PCNX2: variants seen among roughly 807,000 people sequenced by gnomAD.
PCNX2 encodes the protein pecanex 2.
A neutral mutation model predicts 223.8 loss-of-function variants in PCNX2; 168 were observed. That is an observed-to-expected ratio of 0.75 (90% CI 0.66 to 0.85). The LOEUF (loss-of-function observed/expected upper bound fraction) is 0.85. Ranked by LOEUF, PCNX2 falls within the 40% of genes least tolerant of loss-of-function variation. The pLI is 0.00. For missense variants in PCNX2, 2,507 were observed against 2,675.5 expected, an observed-to-expected ratio of 0.94 and a Z score of 1.39; for synonymous variants, 1,006 against 1,052.6, an observed-to-expected ratio of 0.96 and a Z score of 0.86.
At chr1:233,129,925 T>C (rs906594345) in intron 21 of PCNX2, among the ~76,000 whole-genome samples, 5 of 152,166 alleles carry the variant, frequency 3.3e-5, no homozygotes, top group African/African-American at 1.2e-4. Context: ...GCTTTGTTCT[T>C]TCACTCTTTG....
At chr1:232,989,378 C>T (rs1255004157) in intron 32 of PCNX2, among the ~76,000 whole-genome samples, 1 of 151,946 alleles carries the variant, frequency 6.6e-6, no homozygotes, top group African/African-American at 2.4e-5. Context: ...GGCGTGAACC[C>T]AGGAGGCGGA....
At chr1:233,193,140 T>C (rs2102881974) in intron 15 of PCNX2, among the ~76,000 whole-genome samples, 1 of 149,576 alleles carries the variant, frequency 6.7e-6, no homozygotes, top group East Asian at 1.9e-4. Context: ...ACTAGTATAA[T>C]TCCTAGTACA....
In PCNX2 at chr1:232,999,120, C is replaced by T. The variant is rs1198292654; in HGVS notation, c.5588G>A (p.Trp1863Ter). Residue 1863 changes from tryptophan (W) to a stop codon, truncating the protein, a stop_gained, in exon 31 of 34, where the codon TGG (tryptophan) becomes TAG (stop). Coordinates refer to ENST00000258229, the MANE Select transcript of PCNX2 (RefSeq NM_014801.4). LOFTEE classifies it high-confidence loss of function. ...AAAAACTTACCTTACCCACTTGGTC[C>T]AGAACCAGGTCCTAATTCTGTCCAA... Reference protein sequence around the residue: ...ITLDRIRTWFWTKWVRMRKDC... With the variant: ...ITLDRIRTWF 6.2e-7 allele frequency: 1 copy of T among 1,609,756 alleles called. No individual in the cohort carries two copies. The highest frequency in any genetic ancestry group is 8.5e-7 in the Non-Finnish European group (1 of 1,176,766).
chr1:233,025,461 C>T (rs964443520), intron 25 of PCNX2, 62 bp from the exon 26 acceptor site: 9 of 1,581,538 alleles, frequency 5.7e-6, no homozygotes, highest in Admixed American at 3.4e-5. Context: ...TTTGCTTCAA[C>T]GGATTTCCCC....
chr1:233,068,096 G>C (rs984454599), intron 23 of PCNX2, among the ~76,000 whole-genome samples: 2 of 152,052 alleles, frequency 1.3e-5, no homozygotes, highest in African/African-American at 4.8e-5. Context: ...ATCTAAAAAG[G>C]AAAAATTCTG....
At chr1:233,288,389 G>A (rs1409485842) in intron 1 of PCNX2, among the ~76,000 whole-genome samples, 3 of 152,226 alleles carry the variant, frequency 2.0e-5, no homozygotes, top group South Asian at 4.2e-4. Context: ...GAGAAAGCTG[G>A]GAGTGGGGCA....
chr1:233,151,535 T>A (rs1677808624), intron 19 of PCNX2, among the ~76,000 whole-genome samples: 1 of 152,228 alleles, frequency 6.6e-6, no homozygotes, highest in Non-Finnish European at 1.5e-5. Flanking sequence ...TTTAGCTCCA[T>A]ATTGCATTAG....
intron 22 of PCNX2, among the ~76,000 whole-genome samples, chr1:233,094,478 C>T (rs1015486865): frequency 1.3e-5 from 2 of 152,164 alleles, no homozygotes; most frequent in African/African-American, 4.8e-5. Context: ...GACCTTGAAA[C>T]ACTTTAGAAA....
chr1:232,995,361 T>A (rs1669841525), intron 32 of PCNX2, among the ~76,000 whole-genome samples: 1 of 152,204 alleles, frequency 6.6e-6, no homozygotes, highest in Non-Finnish European at 1.5e-5. Flanking sequence ...TAGCCAGGCA[T>A]GCTCCTTTGC....
intron 21 of PCNX2, among the ~76,000 whole-genome samples, chr1:233,107,082 TTC>T (rs1674836058): frequency 6.6e-6 from 1 of 152,128 alleles, no homozygotes; most frequent in African/African-American, 2.4e-5. Context: ...CAGTGAAAGT[TTC>T]TGTTATCTGC....
At chr1:233,115,182 T>G (rs960240104) in intron 21 of PCNX2, among the ~76,000 whole-genome samples, 1 of 144,804 alleles carries the variant, frequency 6.9e-6, no homozygotes, top group Non-Finnish European at 1.5e-5. Flanking sequence ...TCGAGGGCAT[T>G]AAAAAAAAAA....
At chr1:233,019,895 C>A (rs148391218) in intron 26 of PCNX2, among the ~76,000 whole-genome samples, 1 of 152,066 alleles carries the variant, frequency 6.6e-6, no homozygotes, top group Non-Finnish European at 1.5e-5. Flanking sequence ...AAAAGAGTAA[C>A]GATGCCCATG....
intron 25 of PCNX2, among the ~76,000 whole-genome samples, chr1:233,034,197 C>T (rs962326293): frequency 5.3e-5 from 8 of 152,182 alleles, no homozygotes; most frequent in African/African-American, 1.2e-4. Context: ...GGTGACAGAG[C>T]GAGAATCCGT....
chr1:233,256,861 G>A (rs1024569988), intron 5 of PCNX2, among the ~76,000 whole-genome samples: 6 of 152,174 alleles, frequency 3.9e-5, no homozygotes, highest in African/African-American at 1.2e-4. Context: ...CAACCAGTAT[G>A]GAGCCAGAGG....
chr1:233,054,098 T>A (rs1672102815), intron 25 of PCNX2, among the ~76,000 whole-genome samples, 170 bp downstream of exon 25: 1 of 152,230 alleles, frequency 6.6e-6, no homozygotes, highest in Non-Finnish European at 1.5e-5. Context: ...ATGTTTTTAT[T>A]CCTTCAGATG....
chr1:233,257,884 C>G, intron 5 of PCNX2, 144 bp downstream of exon 5: 1 of 1,133,450 alleles, frequency 8.8e-7, no homozygotes, highest in South Asian at 1.7e-5. Flanking sequence ...GTACATTCAG[C>G]AAATATTGAT....
At chr1:233,259,374 A>G (rs766632447) in intron 4 of PCNX2, 30 bp from the exon 5 acceptor site, 1 of 1,560,802 alleles carries the variant, frequency 6.4e-7, no homozygotes, top group Non-Finnish European at 8.7e-7. Flanking sequence ...CTTTATTAGC[A>G]TCAGAAATGA....
chr1:233,321,706 A>C, the PCNX2 span, among the ~76,000 whole-genome samples: 4 of 152,214 alleles, frequency 2.6e-5, no homozygotes, highest in African/African-American at 9.6e-5. Context: ...AGGATTTGAG[A>C]GTAAATAAAA....
chr1:233,166,685 C>T (rs1207100157), intron 17 of PCNX2, among the ~76,000 whole-genome samples: 1 of 152,120 alleles, frequency 6.6e-6, no homozygotes, highest in Non-Finnish European at 1.5e-5. Context: ...GCTGAAAATA[C>T]CATCAGCAAA....
Sources: gnomAD v4.1 joint callset for allele counts (sites outside exome capture counted in the v4.1 genomes callset) on GRCh38, gnomAD v4.1.1 for gene constraint, MANE v1.5 for transcripts, NCBI Gene and HGNC (gene_info 2026-07-23, HGNC 2026-07-21) for gene names.